Variants in GRIN1 observed in about 807,000 individuals in gnomAD.
GRIN1 encodes the protein glutamate ionotropic receptor NMDA type subunit 1.
GRIN1 carries 38 observed loss-of-function variants against 103.0 expected under a neutral mutation model. That is an observed-to-expected ratio of 0.37 (90% CI 0.28 to 0.48). The LOEUF (loss-of-function observed/expected upper bound fraction) is 0.48. Ranked by LOEUF, GRIN1 falls within the 20% of genes least tolerant of loss-of-function variation. The probability of loss-of-function intolerance (pLI) is 0.98; values close to 1 mark genes in which losing one functional copy is unlikely to be tolerated. For missense variants in GRIN1, 577 were observed against 1,288.9 expected, an observed-to-expected ratio of 0.45 and a Z score of 8.46; for synonymous variants, 544 against 532.7, an observed-to-expected ratio of 1.02 and a Z score of -0.29.
Position 137,163,195 on chromosome 9 carries a change from C to T in GRIN1, c.2198C>T (p.Ser733Leu). 7 of 1,613,504 alleles carry T rather than the reference C, an allele frequency of 4.3e-6. No individual in the cohort carries two copies. The highest frequency in any genetic ancestry group is 1.1e-5 in the South Asian group (1 of 91,084). Residue 733 changes from serine to leucine, a missense_variant, in exon 16 of 20, where the codon TCG becomes TTG. Coordinates refer to ENST00000371561, the MANE Select transcript of GRIN1 (RefSeq NM_007327.4). ...AAGCTGCATGCCTTCATCTGGGACT[C>T]GGCGGTGCTGGAGTTCGAGGCCTCG... ...DNKLHAFIWD[S>L]AVLEFEASQK... is the part of the protein sequence containing the mutation.
chr9:137,144,585 G>A (rs1588691425), intron 2 of GRIN1, among the ~76,000 whole-genome samples: 3 of 151,500 alleles, frequency 2.0e-5, no homozygotes, highest in South Asian at 2.1e-4. Flanking sequence ...AACCCAGGAG[G>A]CGGAGCCTGC....
chr9:137,157,124 G>A, intron 6 of GRIN1, 87 bp downstream of exon 6: 1 of 1,146,822 alleles, frequency 8.7e-7, no homozygotes, highest in Non-Finnish European at 1.2e-6. Context: ...CCGCTCTTGG[G>A]GAGGTGGGCG....
chr9:137,165,387 G>C, intron 19 of GRIN1, 91 bp downstream of exon 19: 1 of 834,670 alleles, frequency 1.2e-6, no homozygotes, highest in Non-Finnish European at 2.1e-6. Context: ...CCGGACCCTG[G>C]GCTCCTGTGG....
Position 137,160,126 on chromosome 9 carries a change from G to A in GRIN1, c.1198-930G>A, listed in dbSNP as rs1014198343. ...GCGAGCCCAAGCAGGAGTGTGGGTC[G>A]AAGAGGCCACGGCGCGGTGGAGCAC... On this transcript the variant is annotated intron_variant, in intron 8 of 19. Coordinates refer to ENST00000371561, the MANE Select transcript of GRIN1 (RefSeq NM_007327.4). Among the ~76,000 whole-genome samples, 6 of 152,340 alleles carry A rather than the reference G, an allele frequency of 3.9e-5. No individual in the cohort carries two copies. The South Asian group carries it at 1.0e-3, about 26-fold the overall frequency.
chr9:137,144,380 C>T (rs373443225), intron 2 of GRIN1, among the ~76,000 whole-genome samples: 204 of 147,774 alleles, frequency 1.4e-3, no homozygotes, highest in African/African-American at 3.4e-3. Flanking sequence ...GTTGGCCGGG[C>T]GCGGTGGCTC....
chr9:137,150,055 AG>A (rs1175642587), intron 4 of GRIN1, among the ~76,000 whole-genome samples: 1 of 152,190 alleles, frequency 6.6e-6, no homozygotes, highest in Non-Finnish European at 1.5e-5. Context: ...CCCCAGCCCA[AG>A]GTAGGGTTGT....
chr9:137,146,260 G>A lies in GRIN1; in HGVS notation c.570+358G>A, dbSNP rs1832525436. Among the ~76,000 whole-genome samples the A allele has an allele frequency of 1.4e-5, 2 of 145,578 alleles. No homozygotes were observed. The highest frequency in any genetic ancestry group is 7.0e-5 in the Admixed American group (1 of 14,368). ...TCACCCTTCCCGCCCACCCTGTCCT[G>A]AGTCCCCAGCAGCCTCCCTCTGGGC... On this transcript the variant is annotated intron_variant, in intron 3 of 19. Coordinates refer to ENST00000371561, the MANE Select transcript of GRIN1 (RefSeq NM_007327.4). The surrounding 1 kb of genome is among the most constrained non-coding windows in gnomAD (Gnocchi z 6.7).
rs183055996 is a variant in GRIN1 at position 137,139,928 on chromosome 9, C to T, written c.258+184C>T. Among the ~76,000 whole-genome samples the T allele has an allele frequency of 6.6e-6, 1 of 152,226 alleles. No homozygotes were observed. Among genetic ancestry groups the T allele is most frequent in the East Asian group, 1.9e-4 (1 of 5,196 alleles). ...CAAACACCAGGGTCTGCTGGCTCCCCTATCTTGGCCTGAGACCAGTCACCT... is the reference window on the plus strand; with the variant it reads ...CAAACACCAGGGTCTGCTGGCTCCCTTATCTTGGCCTGAGACCAGTCACCT... On this transcript the variant is annotated intron_variant, in intron 1 of 19. Coordinates refer to ENST00000371561, the MANE Select transcript of GRIN1 (RefSeq NM_007327.4). The surrounding 1 kb of genome is among the most constrained non-coding windows in gnomAD (Gnocchi z 7.7).
chr9:137,153,899 C>G (rs986175363), intron 4 of GRIN1, among the ~76,000 whole-genome samples: 7 of 152,062 alleles, frequency 4.6e-5, no homozygotes, highest in Non-Finnish European at 1.0e-4. Flanking sequence ...CAACCTCTGC[C>G]CCCTGGGATT....
rs771860930 is a variant in GRIN1 at position 137,161,184 on chromosome 9, G to C, written c.1326G>C (p.Thr442=). The change falls in exon 9 of 20, where the codon ACG becomes ACC. Residue 442 remains threonine, a synonymous_variant. Coordinates refer to ENST00000371561, the MANE Select transcript of GRIN1 (RefSeq NM_007327.4). ...TGATCTGCACCGGGCCCAACGACAC[G>C]TCGCCGGGCAGCCGTGAGTGCGCGG... ...KKVICTGPND[T]SPGSPRHTVP... The C allele has an allele frequency of 1.2e-6, 2 of 1,609,868 alleles. No homozygotes were observed. Among genetic ancestry groups the C allele is most frequent in the South Asian group, 2.2e-5 (2 of 90,966 alleles).
At chr9:137,165,682 C>A (rs1251472244) in intron 19 of GRIN1, among the ~76,000 whole-genome samples, 3 of 152,242 alleles carry the variant, frequency 2.0e-5, no homozygotes, top group Non-Finnish European at 4.4e-5. Flanking sequence ...CGGGAGGCCA[C>A]ACCACTTCTC....
intron 2 of GRIN1, among the ~76,000 whole-genome samples, chr9:137,143,038 T>C (rs1473693636): frequency 1.3e-5 from 2 of 152,238 alleles, no homozygotes; most frequent in African/African-American, 4.8e-5. Flanking sequence ...GGATGCAAAC[T>C]GGGCACTGAG....
intron 4 of GRIN1, among the ~76,000 whole-genome samples, chr9:137,155,069 AC>A (rs2131265335): frequency 6.6e-6 from 1 of 152,346 alleles, no homozygotes; most frequent in African/African-American, 2.4e-5. Flanking sequence ...TGTTTCCAAA[AC>A]TTTTCATTTT....
intron 18 of GRIN1, chr9:137,164,747 C>T: frequency 4.1e-6 from 1 of 243,832 alleles, no homozygotes; most frequent in South Asian, 5.1e-5. Context: ...CACTCCAATT[C>T]CACCTCGACA....
At chr9:137,157,059 C>CTGGGCGGGGCTGCTCTTGGGGAGG in intron 6 of GRIN1, 22 bp downstream of exon 6, 1 of 1,164,476 alleles carries the variant, frequency 8.6e-7, no homozygotes, top group East Asian at 5.5e-5. Flanking sequence ...CTCCCCGGAG[C>CTGGGCGGGGCTGCTCTTGGGGAGG]TGGGCGGGGC....
intron 4 of GRIN1, among the ~76,000 whole-genome samples, chr9:137,151,498 C>T (rs2131248384): frequency 6.6e-6 from 1 of 151,892 alleles, no homozygotes; most frequent in East Asian, 1.9e-4. Flanking sequence ...CCAGGGAAAG[C>T]TTCACCCAGA....
intron 3 of GRIN1, chr9:137,148,022 C>G (rs965797265): frequency 4.5e-4 from 279 of 622,232 alleles, no homozygotes; most frequent in Non-Finnish European, 1.4e-4. Context: ...TCGGTGTTTG[C>G]GAGCTCCAGG....
At chr9:137,147,626 C>G (rs572825912) in intron 3 of GRIN1, among the ~76,000 whole-genome samples, 4 of 152,248 alleles carry the variant, frequency 2.6e-5, no homozygotes. Context: ...GCGCACATAA[C>G]GCACACACAC....
intron 6 of GRIN1, 53 bp from the exon 7 acceptor site, chr9:137,158,326 G>T: frequency 6.3e-7 from 1 of 1,592,598 alleles, no homozygotes; most frequent in African/African-American, 1.3e-5. Context: ...GGAGCAGGGA[G>T]GAGCAGGAGA....
Sources: gnomAD v4.1 joint callset for allele counts (sites outside exome capture counted in the v4.1 genomes callset) on GRCh38, gnomAD v4.1.1 for gene constraint, Gnocchi (gnomAD v3.1) non-coding constraint, MANE v1.5 for transcripts, NCBI Gene and HGNC (gene_info 2026-07-23, HGNC 2026-07-21) for gene names.